PHF20: variants seen among roughly 807,000 people sequenced by gnomAD.
The protein encoded by PHF20 is glioma-expressed antigen 2.
A neutral mutation model predicts 113.5 loss-of-function variants in PHF20; 23 were observed. That is an observed-to-expected ratio of 0.20 (90% CI 0.15 to 0.29). The LOEUF (loss-of-function observed/expected upper bound fraction) is 0.29. PHF20 is among the 10% of genes least tolerant of loss of function. The pLI is 1.00. For missense variants in PHF20, 943 were observed against 1,219.6 expected (o/e 0.77, Z 3.38); for synonymous variants, 434 against 457.3 (o/e 0.95, Z 0.65).
chr20:35,775,431 A>G (rs1320172005), intron 1 of PHF20, among the ~76,000 whole-genome samples: 1 of 152,040 alleles, frequency 6.6e-6, no homozygotes, highest in African/African-American at 2.4e-5. Flanking sequence ...GTTATACTCA[A>G]TTAGTTATTC....
At chr20:35,881,440 C>T (rs987743594) in intron 9 of PHF20, among the ~76,000 whole-genome samples, 30 of 150,460 alleles carry the variant, frequency 2.0e-4, no homozygotes, top group African/African-American at 7.1e-4. Context: ...ACTTGGGAGG[C>T]TGAGGTGGGC....
Position 35,871,049 on chromosome 20 carries a change from C to G in PHF20, c.1017C>G (p.Ile339Met), listed in dbSNP as rs1379781480. 2 of 1,613,396 alleles carry G rather than the reference C, an allele frequency of 1.2e-6. No individual in the cohort carries two copies. Among genetic ancestry groups the G allele is most frequent in the African/African-American group, 2.7e-5 (2 of 75,000 alleles). ...TGTCCACTAATGGGACCCATGAGAT[C>G]CTAGATCCTGACTTGGTTGTATCAG... Reference protein sequence around the residue: ...SRLSTNGTHEILDPDLVVSDL... With the variant: ...SRLSTNGTHEMLDPDLVVSDL... The change falls in exon 8 of 18, where the codon ATC becomes ATG. Residue 339 changes from isoleucine to methionine, a missense_variant. Physicochemically the swap from Ile to Met is conservative, Grantham distance 10. Around this residue, in one of 3 missense-constraint regions of PHF20, gnomAD observed 592 missense variants for 787.2 expected, o/e 0.75. Transcript: ENST00000374012.
intron 1 of PHF20, among the ~76,000 whole-genome samples, chr20:35,777,509 T>C (rs1447769311): frequency 2.0e-5 from 3 of 152,196 alleles, no homozygotes; most frequent in Non-Finnish European, 4.4e-5. Flanking sequence ...TAAGTGCAAA[T>C]ACCATTTGAC....
chr20:35,850,765 C>A, intron 4 of PHF20: 2 of 649,038 alleles, frequency 3.1e-6, no homozygotes. Context: ...GTCCACATAG[C>A]AATACAGAAA....
At chr20:35,945,996 C>T (rs1292805754) in intron 17 of PHF20, among the ~76,000 whole-genome samples, 2 of 150,290 alleles carry the variant, frequency 1.3e-5, no homozygotes, top group Non-Finnish European at 3.0e-5. Context: ...ATGATGAAAC[C>T]CCATCTCTAC....
intron 2 of PHF20, 63 bp downstream of exon 2, chr20:35,801,668 G>A (rs1193689971): frequency 9.5e-7 from 1 of 1,055,366 alleles, no homozygotes; most frequent in Non-Finnish European, 1.5e-6. Flanking sequence ...AGCACTGATA[G>A]AGTGGTAGCT....
chr20:35,785,456 G>C (rs1238216533), intron 1 of PHF20, among the ~76,000 whole-genome samples: 1 of 151,796 alleles, frequency 6.6e-6, no homozygotes, highest in Non-Finnish European at 1.5e-5. Flanking sequence ...AGTAGGTGGT[G>C]CTACGGGCTC....
chr20:35,914,461 G>T, intron 12 of PHF20, among the ~76,000 whole-genome samples: 1 of 152,050 alleles, frequency 6.6e-6, no homozygotes, highest in African/African-American at 2.4e-5. Context: ...CAAGTTTTTT[G>T]GAGTAAGTCC....
intron 1 of PHF20, among the ~76,000 whole-genome samples, chr20:35,797,205 TTAAA>T (rs2041683082): frequency 6.6e-6 from 1 of 151,578 alleles, no homozygotes; most frequent in South Asian, 2.1e-4. Flanking sequence ...ATTTGCATAT[TTAAA>T]TAACCTTAAA....
At position 35,860,771 on chromosome 20, in the gene PHF20, C is replaced by T. The variant is rs1430593320; in HGVS notation, c.421-2242C>T. Among the ~76,000 whole-genome samples, 5 of 151,986 alleles carry T rather than the reference C, an allele frequency of 3.3e-5. No homozygotes were observed. In the East Asian group the frequency reaches 5.8e-4, roughly 18 times the overall value. ...CAATTTTTGTGTTAGGTTTGTAGAACGAGTTAATATAGAGGACAGAATTAT... is the reference window on the plus strand; with the variant it reads ...CAATTTTTGTGTTAGGTTTGTAGAATGAGTTAATATAGAGGACAGAATTAT... On this transcript the variant is annotated intron_variant, in intron 5 of 17. Transcript: ENST00000374012.
At chr20:35,887,112 CCAAATTTCAGAAAACAATTTA>C (rs2054748442) in intron 9 of PHF20, among the ~76,000 whole-genome samples, 1 of 151,992 alleles carries the variant, frequency 6.6e-6, no homozygotes, top group Non-Finnish European at 1.5e-5. Context: ...TATTTCTAAG[CCAAATTTCAGAAAACAATTTA>C]CAAACTTTTT....
rs76126577 is a variant in PHF20, at chr20:35,785,522, G to A, written c.-33+13443G>A. Among the ~76,000 whole-genome samples, 1,446 of 151,728 alleles carry A rather than the reference G, an allele frequency of 9.5e-3. 16 individuals are homozygous for A. Among genetic ancestry groups the A allele is most frequent in the East Asian group, 0.038 (194 of 5,114 alleles). ...TTTAGTAGAGATGGGGTTTCACCAC[G>A]TTGGCCAGGCTGGTCTCGAACTCCT... On this transcript the variant is annotated intron_variant, in intron 1 of 17. Coordinates refer to ENST00000374012, the MANE Select transcript of PHF20 (RefSeq NM_016436.5).
intron 2 of PHF20, among the ~76,000 whole-genome samples, chr20:35,814,002 A>C (rs1251934910): frequency 6.6e-6 from 1 of 151,122 alleles, no homozygotes; most frequent in Non-Finnish European, 1.5e-5. Flanking sequence ...CTATGATCAC[A>C]CCACTGCTTG....
chr20:35,777,046 CA>C (rs1196756932), intron 1 of PHF20, among the ~76,000 whole-genome samples: 2 of 152,178 alleles, frequency 1.3e-5, no homozygotes, highest in African/African-American at 4.8e-5. Flanking sequence ...AGCTTGTTCT[CA>C]ACCCAACTTC....
rs374587283 is a variant in PHF20 at position 35,853,220 on chromosome 20, CA to C, written c.341-5066del. On this transcript the variant is annotated intron_variant, in intron 4 of 17. Coordinates refer to ENST00000374012, the MANE Select transcript of PHF20 (RefSeq NM_016436.5). ...CTGGGCAACAGAGCAAGACTCGTCTCAAAAAAAAAAAAAAAAGAAAGAAAAA... is the reference window on the plus strand; with the variant it reads ...CTGGGCAACAGAGCAAGACTCGTCTCAAAAAAAAAAAAAAAGAAAGAAAAA... The C allele has an allele frequency of 2.9e-3, 205 of 69,584 alleles. 1 individual carries two copies. The highest frequency in any genetic ancestry group is 0.018 in the East Asian group (44 of 2,380). The allele number at this position is 69,584 out of a possible 1,614,324, so 4.3% of individuals were successfully genotyped here. A position where few individuals can be genotyped will look rare whatever the true frequency, so the allele number is the denominator to read the frequency against.
chr20:35,894,172 C>T (rs1318931694), intron 9 of PHF20, among the ~76,000 whole-genome samples: 1 of 152,196 alleles, frequency 6.6e-6, no homozygotes, highest in African/African-American at 2.4e-5. Flanking sequence ...GGGTGATATG[C>T]GTCCCAGCCA....
intron 6 of PHF20, among the ~76,000 whole-genome samples, chr20:35,867,085 T>C (rs2054332425): frequency 6.6e-6 from 1 of 152,150 alleles, no homozygotes; most frequent in Non-Finnish European, 1.5e-5. Flanking sequence ...CCTATTTATA[T>C]ACGGTATCAA....
At chr20:35,796,707 T>C (rs1353588156) in intron 1 of PHF20, among the ~76,000 whole-genome samples, 2 of 152,204 alleles carry the variant, frequency 1.3e-5, no homozygotes, top group African/African-American at 4.8e-5. Context: ...GTTATGTTTA[T>C]ATCTAAAGAT....
At chr20:35,775,989 T>C (rs1451143372) in intron 1 of PHF20, among the ~76,000 whole-genome samples, 1 of 152,052 alleles carries the variant, frequency 6.6e-6, no homozygotes, top group East Asian at 1.9e-4. Context: ...TTTAAATTTT[T>C]TGTAGAGATG....
Sources: allele counts gnomAD v4.1 joint callset (sites outside exome capture counted in the v4.1 genomes callset), GRCh38; gene constraint gnomAD v4.1.1; regional missense constraint gnomAD v4.1.1; transcripts MANE v1.5; gene names NCBI Gene and HGNC (gene_info 2026-07-23, HGNC 2026-07-21).